Variants in PRELID2 observed in about 807,000 individuals in gnomAD.
PRELID2 encodes the protein PRELI domain-containing protein 2.
A neutral mutation model predicts 28.4 loss-of-function variants in PRELID2; 25 were observed. The ratio of observed to expected loss-of-function variants is 0.88; its 90% CI spans 0.64 to 1.23. PRELID2 has a LOEUF of 1.23. Ranked by LOEUF, PRELID2 falls within the 50% of genes most tolerant of loss-of-function variation. PRELID2 has a pLI of 0.00. For synonymous variants in PRELID2, 76 were observed against 71.6 expected (o/e 1.06, Z -0.31); for missense variants, 201 against 214.4 (o/e 0.94, Z 0.39).
chr5:145,371,886 T>TTA, the PRELID2 span, among the ~76,000 whole-genome samples: 1 of 141,890 alleles, frequency 7.0e-6, no homozygotes, highest in African/African-American at 2.6e-5. Flanking sequence ...TTTGTTAATT[T>TTA]AAAAAAAAAA....
chr5:145,600,434 A>AAAAAAAATATATATATATATAT (rs1315631607), intron 1 of PRELID2, among the ~76,000 whole-genome samples: 1 of 120,114 alleles, frequency 8.3e-6, no homozygotes, highest in African/African-American at 4.1e-5. Context: ...AAAAAAAAAA[A>AAAAAAAATATATATATATATAT]ATATATATAT....
intron 1 of PRELID2, among the ~76,000 whole-genome samples, chr5:145,476,764 A>G (rs1752105999): frequency 6.6e-6 from 1 of 152,226 alleles, no homozygotes; most frequent in African/African-American, 2.4e-5. Context: ...ATTTTTATTT[A>G]TAAATTCTCC....
rs990807314 is a variant in PRELID2, at chr5:145,582,955, C to A, written n.71-109640G>T. Among the ~76,000 whole-genome samples the A allele has an allele frequency of 3.9e-5, 6 of 152,078 alleles. No homozygotes were observed. In the South Asian group the frequency reaches 1.0e-3, roughly 26 times the overall value. ...CCCTATTTTATGAGGCCAGCTTAAT[C>A]CTGATACCAGCACCTAGCAGAGATG... is the stretch of plus-strand genomic sequence containing the variant. On this transcript the variant is annotated intron_variant and non_coding_transcript_variant, in intron 1 of 2. Transcript: ENST00000510259.
At chr5:145,424,014 C>A in the PRELID2 span, among the ~76,000 whole-genome samples, 1 of 151,402 alleles carries the variant, frequency 6.6e-6, no homozygotes, top group Non-Finnish European at 1.5e-5. Context: ...GTCAGTGTGA[C>A]CCTGCTGGGG....
chr5:145,450,874 A>C, the PRELID2 span: 1 of 152,162 alleles, frequency 6.6e-6, no homozygotes, highest in African/African-American at 2.4e-5. Flanking sequence ...TGGCAACAAC[A>C]TTTATGGTAA....
the PRELID2 span, among the ~76,000 whole-genome samples, chr5:145,361,484 C>G: frequency 2.0e-5 from 3 of 152,178 alleles, no homozygotes; most frequent in Admixed American, 2.0e-4. Flanking sequence ...GTCAGCAATA[C>G]AGCTCTGGTC....
At chr5:145,705,099 G>A (rs565932888) in intron 1 of PRELID2, among the ~76,000 whole-genome samples, 35 of 152,236 alleles carry the variant, frequency 2.3e-4, no homozygotes, top group African/African-American at 7.0e-4. Flanking sequence ...TAACTCACTC[G>A]GAGGGTCTGA....
the PRELID2 span, among the ~76,000 whole-genome samples, chr5:145,242,505 C>T: frequency 3.3e-5 from 5 of 152,092 alleles, no homozygotes; most frequent in South Asian, 2.1e-4. Context: ...CAAGGTTATC[C>T]GGATAGTGCT....
chr5:145,507,346 G>A (rs143436332), intron 1 of PRELID2, among the ~76,000 whole-genome samples: 207 of 152,190 alleles, frequency 1.4e-3, no homozygotes, highest in Middle Eastern at 3.4e-3. Context: ...AAATGGGGGG[G>A]AAAAACTGCA....
the PRELID2 span, among the ~76,000 whole-genome samples, chr5:145,338,802 A>AT: frequency 1.3e-5 from 2 of 152,184 alleles, no homozygotes; most frequent in South Asian, 4.1e-4. Flanking sequence ...TGGTTATGGG[A>AT]TTTTAACTGA....
intron 1 of PRELID2, among the ~76,000 whole-genome samples, chr5:145,540,641 A>C (rs1752737982): frequency 6.6e-6 from 1 of 151,460 alleles, no homozygotes; most frequent in Non-Finnish European, 1.5e-5. Flanking sequence ...CCAAGCCCCA[A>C]ATATGAGGGA....
At chr5:145,746,937 G>A (rs887970676) in intron 1 of PRELID2, among the ~76,000 whole-genome samples, 5 of 152,106 alleles carry the variant, frequency 3.3e-5, no homozygotes, top group African/African-American at 9.7e-5. Flanking sequence ...TGACTCCTGG[G>A]TAAATTACAA....
the PRELID2 span, among the ~76,000 whole-genome samples, chr5:145,415,863 T>G: frequency 8.2e-4 from 124 of 151,920 alleles, 1 homozygote; most frequent in African/African-American, 2.8e-3. Flanking sequence ...CACACTGACT[T>G]CCACAATGGT....
intron 1 of PRELID2, among the ~76,000 whole-genome samples, chr5:145,657,957 CCATATTCTACGAGT>C (rs1348588952): frequency 6.6e-6 from 1 of 152,190 alleles, no homozygotes; most frequent in African/African-American, 2.4e-5. Flanking sequence ...CCATCTCATC[CCATATTCTACGAGT>C]CATATAAATA....
chr5:145,718,202 T>C (rs1307733641), intron 1 of PRELID2, among the ~76,000 whole-genome samples: 1 of 151,978 alleles, frequency 6.6e-6, no homozygotes, highest in African/African-American at 2.4e-5. Context: ...AGAGACAAGC[T>C]ATTAGAAAAA....
intron 1 of PRELID2, among the ~76,000 whole-genome samples, chr5:145,733,368 T>A (rs1030715741): frequency 6.6e-6 from 1 of 152,174 alleles, no homozygotes; most frequent in South Asian, 2.1e-4. Flanking sequence ...TGGGAATGGA[T>A]GTGGGTTGGA....
At chr5:145,799,156 T>C (rs1212391144) in intron 4 of PRELID2, among the ~76,000 whole-genome samples, 1 of 151,008 alleles carries the variant, frequency 6.6e-6, no homozygotes, top group Non-Finnish European at 1.5e-5. Context: ...CTATAAGATT[T>C]TCAGTAGATT....
At chr5:145,817,408 G>C (rs1385657744) in intron 4 of PRELID2, among the ~76,000 whole-genome samples, 1 of 53,638 alleles carries the variant, frequency 1.9e-5, no homozygotes, top group African/African-American at 5.0e-5. Flanking sequence ...TGCAATAAAG[G>C]AATAAGCTAG....
the PRELID2 span, among the ~76,000 whole-genome samples, chr5:145,384,662 G>A: frequency 6.6e-6 from 1 of 152,108 alleles, no homozygotes; most frequent in Non-Finnish European, 1.5e-5. Flanking sequence ...CAGTTTTGCA[G>A]GCTGTATAGA....
Sources: gnomAD v4.1 joint callset for allele counts (sites outside exome capture counted in the v4.1 genomes callset) on GRCh38, gnomAD v4.1.1 for gene constraint, MANE v1.5 for transcripts, NCBI Gene and HGNC (gene_info 2026-07-23, HGNC 2026-07-21) for gene names.